Variants in DSCAML1 observed in about 807,000 individuals in gnomAD.
DSCAML1 encodes DS cell adhesion molecule like 1, also known as cell adhesion molecule DSCAML1.
A neutral mutation model predicts 200.5 loss-of-function variants in DSCAML1; 38 were observed. That is an observed-to-expected ratio of 0.19 (90% CI 0.15 to 0.25). The LOEUF (loss-of-function observed/expected upper bound fraction) is 0.25, where lower values mean the gene tolerates loss of function less well. Ranked by LOEUF, DSCAML1 falls within the 10% of genes least tolerant of loss-of-function variation. The pLI, the probability that DSCAML1 is intolerant of heterozygous loss-of-function variation, is 1.00. For synonymous variants in DSCAML1, 1,215 were observed against 1,165.0 expected, an observed-to-expected ratio of 1.04 and a Z score of -0.87; for missense variants, 2,223 against 2,858.8, an observed-to-expected ratio of 0.78 and a Z score of 5.07.
Position 117,809,833 on chromosome 11 carries a change from T to TCA in DSCAML1, c.-250+7555_-250+7556dup, listed in dbSNP as rs368334583. 5.1e-3 allele frequency among the ~76,000 whole-genome samples: 772 copies of TCA among 151,870 alleles called. 5 individuals are homozygous for TCA. The highest frequency in any genetic ancestry group is 0.017 in the African/African-American group (721 of 41,416). ...CTAGCAACGCACAACACACACAAACTCACACAGTCACATACACACTCACAC... is the reference window on the plus strand; with the variant it reads ...CTAGCAACGCACAACACACACAAACTCACACACAGTCACATACACACTCACAC... On this transcript the variant is annotated intron_variant, in intron 1 of 2. Coordinates refer to the DSCAML1 transcript ENST00000525836.
intron 3 of DSCAML1, among the ~76,000 whole-genome samples, chr11:117,729,894 A>T (rs1260108110): frequency 6.6e-6 from 1 of 152,208 alleles, no homozygotes; most frequent in African/African-American, 2.4e-5. Flanking sequence ...ATGTAATTGC[A>T]AAGGTCCTTT....
chr11:117,752,389 C>T (rs933645142), intron 3 of DSCAML1, among the ~76,000 whole-genome samples: 1 of 152,132 alleles, frequency 6.6e-6, no homozygotes, highest in African/African-American at 2.4e-5. Flanking sequence ...CTGGGGAACA[C>T]ACAATTTTAA....
intron 3 of DSCAML1, among the ~76,000 whole-genome samples, chr11:117,556,644 C>A (rs1172525906): frequency 6.6e-6 from 1 of 152,132 alleles, no homozygotes; most frequent in Non-Finnish European, 1.5e-5. Context: ...ACCCCAGGGC[C>A]CTGGAAGTGG....
chr11:117,459,546 C>G (rs1268688176), intron 18 of DSCAML1, among the ~76,000 whole-genome samples: 1 of 152,220 alleles, frequency 6.6e-6, no homozygotes, highest in Non-Finnish European at 1.5e-5. Context: ...CTGGGTGAGT[C>G]TGGTGGAGCC....
At chr11:117,795,131 G>C (rs1267621648) in intron 1 of DSCAML1, among the ~76,000 whole-genome samples, 2 of 152,204 alleles carry the variant, frequency 1.3e-5, no homozygotes, top group Non-Finnish European at 2.9e-5. Flanking sequence ...GGAAGGGGGA[G>C]GGGAGTGTCC....
At chr11:117,477,155 G>C (rs1178008980) in intron 14 of DSCAML1, among the ~76,000 whole-genome samples, 3 of 150,602 alleles carry the variant, frequency 2.0e-5, no homozygotes, top group Non-Finnish European at 4.4e-5. Context: ...CTTTGCCAGT[G>C]GTTCTTGTTC....
chr11:117,568,180 C>A (rs1450155147), intron 3 of DSCAML1, among the ~76,000 whole-genome samples: 14 of 152,258 alleles, frequency 9.2e-5, no homozygotes, highest in Admixed American at 3.9e-4. Context: ...ACAACCCTTC[C>A]TGCTAAAAAC....
At chr11:117,793,064 T>C (rs1033536442) in intron 1 of DSCAML1, among the ~76,000 whole-genome samples, 1 of 152,162 alleles carries the variant, frequency 6.6e-6, no homozygotes, top group African/African-American at 2.4e-5. Context: ...AGGAAGCCAA[T>C]GACTGGCTGC....
chr11:117,483,620 G>A (rs1000403458), intron 11 of DSCAML1, among the ~76,000 whole-genome samples: 1 of 152,176 alleles, frequency 6.6e-6, no homozygotes, highest in Non-Finnish European at 1.5e-5. Context: ...GAAATGCACG[G>A]CCCCTGACCC....
chr11:117,658,005 C>T lies in DSCAML1; in HGVS notation c.511+118786G>A, dbSNP rs574460795. ...ATCACCTTACGGCACTGGAGCGGGG[C>T]TTGGTCACTGGATGCCAGCTGGCAC... On this transcript the variant is annotated intron_variant, in intron 3 of 32. Coordinates refer to ENST00000651296, the MANE Select transcript of DSCAML1 (RefSeq NM_020693.4). 2.0e-5 allele frequency among the ~76,000 whole-genome samples: 3 copies of T among 152,256 alleles called. No homozygotes were observed. The South Asian group carries it at 6.2e-4, about 32-fold the overall frequency.
At chr11:117,535,052 T>C (rs1487839360) in intron 3 of DSCAML1, among the ~76,000 whole-genome samples, 3 of 152,146 alleles carry the variant, frequency 2.0e-5, no homozygotes, top group Non-Finnish European at 2.9e-5. Flanking sequence ...GGACTGGACC[T>C]ACCATGTGCC....
chr11:117,578,159 C>T (rs1044191205), intron 3 of DSCAML1, among the ~76,000 whole-genome samples: 9 of 142,276 alleles, frequency 6.3e-5, no homozygotes, highest in Non-Finnish European at 1.2e-4. Flanking sequence ...TGCCTGAAGC[C>T]ATGAGGCTGA....
intron 28 of DSCAML1, 71 bp downstream of exon 28, chr11:117,433,370 C>A: frequency 6.3e-7 from 1 of 1,593,206 alleles, no homozygotes; most frequent in Non-Finnish European, 8.6e-7. Flanking sequence ...GAGTTCAGAG[C>A]GAGGCTCCTG....
rs73018318 is a variant in DSCAML1, at chr11:117,436,590, G to T, written c.4720+532C>A. ...CATGTGGCAGATGCAGTTAGGAACTGGTAGTATGCCTTTTCTGTGGATCCT... is the reference window on the plus strand; with the variant it reads ...CATGTGGCAGATGCAGTTAGGAACTTGTAGTATGCCTTTTCTGTGGATCCT... On this transcript the variant is annotated intron_variant, in intron 26 of 32. Coordinates refer to ENST00000651296, the MANE Select transcript of DSCAML1 (RefSeq NM_020693.4). Among the ~76,000 whole-genome samples, 1,506 of 152,140 alleles carry T rather than the reference G, an allele frequency of 9.9e-3. 13 individuals carry two copies. Among genetic ancestry groups the T allele is most frequent in the Non-Finnish European group, 0.016 (1,055 of 68,004 alleles).
At position 117,438,892 on chromosome 11, in the gene DSCAML1, G is replaced by T; in HGVS notation, c.4236C>A (p.Ser1412=). The T allele has an allele frequency of 6.3e-7, 1 of 1,588,214 alleles. No homozygotes were observed. The highest frequency in any genetic ancestry group is 8.5e-7 in the Non-Finnish European group (1 of 1,170,708). The change falls in exon 24 of 33, where the codon TCC becomes TCA. Residue 1412 remains serine (S), a synonymous_variant. Transcript: ENST00000651296. ...ATCCAGACCCCTCCTCACCTCGGAT[G>T]GAGCTGCCCCCATTGTCACCTGGAA... ...TWIPGDNGGS[S]IRGFVLQYSV...
Position 117,504,141 on chromosome 11 carries a change from C to T in DSCAML1, c.2183-120G>A, listed in dbSNP as rs2049447872. On this transcript the variant is annotated intron_variant, in intron 10 of 32. Transcript: ENST00000651296. The surrounding 1 kb of genome is among the most constrained non-coding windows in gnomAD (Gnocchi z 5.0). ...CTAGGGCCATTTTGTAGCAGAGCTG[C>T]ACCATCCCCAAAGTGCTGAGGCCAC... 3 of 1,211,840 alleles carry T rather than the reference C, an allele frequency of 2.5e-6. No homozygotes were observed. Among genetic ancestry groups the T allele is most frequent in the Middle Eastern group, 2.9e-4 (1 of 3,488 alleles). The allele number at this position is 1,211,840 out of a possible 1,614,324, so 75.1% of individuals were successfully genotyped here.
intron 1 of DSCAML1, among the ~76,000 whole-genome samples, chr11:117,781,967 C>A (rs1859721911): frequency 1.3e-5 from 2 of 152,222 alleles, no homozygotes; most frequent in African/African-American, 4.8e-5. Flanking sequence ...TCTTGAGGAG[C>A]CTGCCCCTTT....
chr11:117,514,157 C>T (rs1434396946), intron 8 of DSCAML1, among the ~76,000 whole-genome samples: 1 of 152,228 alleles, frequency 6.6e-6, no homozygotes, highest in African/African-American at 2.4e-5. Flanking sequence ...AGCCCCTTCC[C>T]AGGCCTGGAC....
rs2055189360 is a variant in DSCAML1, at chr11:117,779,271, C to T, written c.364+1222G>A. Among the ~76,000 whole-genome samples the T allele has an allele frequency of 2.6e-5, 4 of 152,158 alleles. No homozygotes were observed. The South Asian group carries it at 8.3e-4, about 32-fold the overall frequency. On this transcript the variant is annotated intron_variant, in intron 2 of 32. Transcript: ENST00000651296. ...GTCAGTGCTTTATAATGATCCGAGA[C>T]CCACCTTACCATTGATTGTGAGACA...
Sources: allele counts gnomAD v4.1 joint callset (sites outside exome capture counted in the v4.1 genomes callset), GRCh38; gene constraint gnomAD v4.1.1; non-coding constraint Gnocchi (gnomAD v3.1); transcripts MANE v1.5; gene names NCBI Gene and HGNC (gene_info 2026-07-23, HGNC 2026-07-21).